The following HFM1 variants were observed in gnomAD, a reference collection of about 807,000 sequenced individuals.
HFM1 encodes the protein probable ATP-dependent DNA helicase HFM1.
In HFM1, 169 loss-of-function variants were observed where a neutral mutation model predicts 192.1. That is an observed-to-expected ratio of 0.88 (90% CI 0.78 to 1.00). HFM1 has a LOEUF of 1.00. Among genes scored for constraint, HFM1 ranks in the 50% least tolerant of loss-of-function variants. HFM1 has a pLI of 0.00. For missense variants in HFM1, 1,661 were observed against 1,668.0 expected (o/e 1.00, Z 0.07); for synonymous variants, 525 against 537.8 (o/e 0.98, Z 0.33).
At chr1:91,270,327 T>C (rs770153665) in intron 34 of HFM1, among the ~76,000 whole-genome samples, 2 of 152,034 alleles carry the variant, frequency 1.3e-5, no homozygotes, top group Admixed American at 6.6e-5. Flanking sequence ...AGTTCATTCA[T>C]TGAGCTAAGG....
chr1:91,289,281 C>T lies in HFM1; in HGVS notation c.3392-12219G>A, dbSNP rs559662358. 1.4e-3 allele frequency among the ~76,000 whole-genome samples: 214 copies of T among 148,850 alleles called. 3 individuals are homozygous for T. The East Asian group carries it at 0.023, about 16-fold the overall frequency. ...CTCAGACGGGGCGGCGGGGCAGAGG[C>T]GCTCCCCACATCCCAGACGATGGGC... is the stretch of plus-strand genomic sequence containing the variant. On this transcript the variant is annotated intron_variant, in intron 30 of 38. Coordinates refer to ENST00000370425, the MANE Select transcript of HFM1 (RefSeq NM_001017975.6).
intron 20 of HFM1, among the ~76,000 whole-genome samples, chr1:91,332,555 TTGAG>T (rs1275844483): frequency 2.0e-5 from 3 of 152,264 alleles, no homozygotes; most frequent in African/African-American, 7.2e-5. Flanking sequence ...CAAAAATTTC[TTGAG>T]TAATACCCTA....
At chr1:91,377,884 T>G in intron 11 of HFM1, 141 bp downstream of exon 11, 23 of 757,594 alleles carry the variant, frequency 3.0e-5, no homozygotes, top group East Asian at 5.3e-5. Flanking sequence ...GTTATATTTA[T>G]GAGATCTAGC....
At position 91,324,659 on chromosome 1, in the gene HFM1, G is replaced by C. The variant is rs1652615405; in HGVS notation, c.2427+16C>G. The C allele has an allele frequency of 3.4e-6, 4 of 1,165,714 alleles. No individual in the cohort carries two copies. Among genetic ancestry groups the C allele is most frequent in the Non-Finnish European group, 3.8e-6 (3 of 783,450 alleles). The allele number at this position is 1,165,714 out of a possible 1,614,324, so 72.2% of individuals were successfully genotyped here. A position where few individuals can be genotyped will look rare whatever the true frequency, so the allele number is the denominator to read the frequency against. On this transcript the variant is annotated intron_variant, in intron 21 of 38. Coordinates refer to ENST00000370425, the MANE Select transcript of HFM1 (RefSeq NM_001017975.6). Reference sequence around the variant, plus strand: ...TATACCACTATGTATTTTTTTTCTAGTGAAAATTAATTTACCAGATCTGAT... The same window carrying C: ...TATACCACTATGTATTTTTTTTCTACTGAAAATTAATTTACCAGATCTGAT...
intron 1 of HFM1, among the ~76,000 whole-genome samples, chr1:91,403,366 G>C (rs948466151): frequency 5.3e-5 from 8 of 151,980 alleles, no homozygotes; most frequent in Non-Finnish European, 8.8e-5. Flanking sequence ...AATCTTCAAC[G>C]TTCAGTTAAA....
At chr1:91,287,944 G>A (rs1205958707) in intron 30 of HFM1, among the ~76,000 whole-genome samples, 2 of 152,096 alleles carry the variant, frequency 1.3e-5, no homozygotes, top group African/African-American at 2.4e-5. Flanking sequence ...GAAATGAAGC[G>A]AGAAGGGAAG....
intron 20 of HFM1, among the ~76,000 whole-genome samples, chr1:91,326,108 A>C (rs1168754981): frequency 6.6e-6 from 1 of 152,202 alleles, no homozygotes; most frequent in Non-Finnish European, 1.5e-5. Context: ...AAGTACACCT[A>C]TAAGATCTGG....
chr1:91,347,664 A>G (rs1398607217), intron 18 of HFM1, among the ~76,000 whole-genome samples, 188 bp from the exon 19 acceptor site: 1 of 152,192 alleles, frequency 6.6e-6, no homozygotes, highest in East Asian at 1.9e-4. Flanking sequence ...TTTAACAAGA[A>G]TGGTATGGAA....
chr1:91,379,371 G>A (rs1008198162), intron 8 of HFM1, among the ~76,000 whole-genome samples, 157 bp from the exon 9 acceptor site: 1 of 152,070 alleles, frequency 6.6e-6, no homozygotes, highest in African/African-American at 2.4e-5. Context: ...ATTTACAGCA[G>A]GGGTGTCCAG....
Position 91,378,249 on chromosome 1 carries a change from A to G in HFM1, c.1237-66T>C, listed in dbSNP as rs1260743549. On this transcript the variant is annotated intron_variant, in intron 10 of 38. Coordinates refer to ENST00000370425, the MANE Select transcript of HFM1 (RefSeq NM_001017975.6). ...AAAAATACATTTAATCAATTAAAAT[A>G]TTCAATAATATTAACATTCTTGCTT... 8.6e-5 allele frequency: 111 copies of G among 1,286,480 alleles called. No individual in the cohort carries two copies. The South Asian group carries it at 1.3e-3, about 16-fold the overall frequency. The allele number at this position is 1,286,480 out of a possible 1,614,324, so 79.7% of individuals were successfully genotyped here.
chr1:91,381,206 G>A (rs1324409184), intron 6 of HFM1, among the ~76,000 whole-genome samples: 1 of 152,100 alleles, frequency 6.6e-6, no homozygotes, highest in African/African-American at 2.4e-5. Flanking sequence ...GGAAATAAGA[G>A]ATTATATAAG....
intron 19 of HFM1, among the ~76,000 whole-genome samples, chr1:91,344,364 A>T (rs1655820731): frequency 6.6e-6 from 1 of 152,222 alleles, no homozygotes; most frequent in Non-Finnish European, 1.5e-5. Flanking sequence ...CTCTTTAGAC[A>T]GCTTGATAGT....
intron 30 of HFM1, among the ~76,000 whole-genome samples, chr1:91,298,567 C>A (rs1462616687): frequency 6.6e-6 from 1 of 152,140 alleles, no homozygotes; most frequent in South Asian, 2.1e-4. Flanking sequence ...AAGGGAAATC[C>A]ATCAGACTAA....
intron 20 of HFM1, chr1:91,328,863 C>T: frequency 6.2e-7 from 1 of 1,610,854 alleles, no homozygotes; most frequent in East Asian, 2.2e-5. Context: ...GAGGCAGAGG[C>T]CAGCTGTGCT....
chr1:91,338,962 G>C, intron 20 of HFM1: 2 of 455,700 alleles, frequency 4.4e-6, no homozygotes, highest in South Asian at 3.1e-5. Context: ...AACCTCGAGG[G>C]GCCAGCAAAC....
At chr1:91,297,930 A>G (rs1647938208) in intron 30 of HFM1, among the ~76,000 whole-genome samples, 1 of 152,234 alleles carries the variant, frequency 6.6e-6, no homozygotes, top group Admixed American at 6.5e-5. Flanking sequence ...AACGGAACAA[A>G]GCTGGACGGA....
chr1:91,355,681 T>C (rs1412186504), intron 13 of HFM1, among the ~76,000 whole-genome samples: 1 of 152,122 alleles, frequency 6.6e-6, no homozygotes, highest in Non-Finnish European at 1.5e-5. Flanking sequence ...ATTGTAAATA[T>C]ATAAGCACCC....
intron 19 of HFM1, among the ~76,000 whole-genome samples, chr1:91,344,052 C>T (rs1221518711): frequency 1.3e-5 from 2 of 152,196 alleles, no homozygotes; most frequent in African/African-American, 4.8e-5. Flanking sequence ...TCTTCCCCTC[C>T]TCCCTGTTTG....
At chr1:91,332,094 G>C (rs1427677016) in intron 20 of HFM1, among the ~76,000 whole-genome samples, 1 of 150,224 alleles carries the variant, frequency 6.7e-6, no homozygotes, top group Non-Finnish European at 1.5e-5. Flanking sequence ...CACAGAAAGG[G>C]AAAAAAAAAT....
Sources: allele counts gnomAD v4.1 joint callset (sites outside exome capture counted in the v4.1 genomes callset), GRCh38; gene constraint gnomAD v4.1.1; transcripts MANE v1.5; gene names NCBI Gene and HGNC (gene_info 2026-07-23, HGNC 2026-07-21).